ADAMTS17: variants seen among roughly 807,000 people sequenced by gnomAD.
The protein encoded by ADAMTS17 is ADAM metallopeptidase with thrombospondin type 1 motif 17.
A neutral mutation model predicts 141.5 loss-of-function variants in ADAMTS17; 113 were observed. The observed-to-expected ratio is 0.80, with a 90% CI of 0.69 to 0.93. The LOEUF is 0.93. Among genes scored for constraint, ADAMTS17 ranks in the 40% least tolerant of loss-of-function variants. The pLI, the probability that ADAMTS17 is intolerant of heterozygous loss-of-function variation, is 0.00. For missense variants in ADAMTS17, 1,659 were observed against 1,517.9 expected (o/e 1.09, Z -1.54); for synonymous variants, 768 against 630.6 (o/e 1.22, Z -3.27).
chr15:100,215,440 C>A (rs552595421), intron 7 of ADAMTS17, among the ~76,000 whole-genome samples: 1 of 152,302 alleles, frequency 6.6e-6, no homozygotes, highest in South Asian at 2.1e-4. Context: ...TCACTGCTAG[C>A]CTTGATTTCA....
At chr15:100,261,158 C>T (rs1477983110) in intron 6 of ADAMTS17, among the ~76,000 whole-genome samples, 2 of 152,142 alleles carry the variant, frequency 1.3e-5, no homozygotes, top group African/African-American at 4.8e-5. Context: ...TGTGGTCACA[C>T]TGGAGTAAGG....
At chr15:100,148,378 C>T (rs1246867139) in intron 10 of ADAMTS17, among the ~76,000 whole-genome samples, 1 of 144,594 alleles carries the variant, frequency 6.9e-6, no homozygotes, top group African/African-American at 2.6e-5. Context: ...CACCTAGTAT[C>T]ATTTTCTGCA....
intron 10 of ADAMTS17, among the ~76,000 whole-genome samples, chr15:100,141,246 G>T (rs967878965): frequency 1.3e-5 from 2 of 152,172 alleles, no homozygotes; most frequent in African/African-American, 4.8e-5. Context: ...ACGCGGGAAG[G>T]TTTGAGCTGC....
In ADAMTS17 at chr15:100,246,593, G is replaced by A. The variant is rs373423530; in HGVS notation, c.1075+7543C>T. Among the ~76,000 whole-genome samples, 4 of 152,320 alleles carry A rather than the reference G, an allele frequency of 2.6e-5. No individual in the cohort carries two copies. The South Asian group carries it at 6.2e-4, about 24-fold the overall frequency. Reference sequence around the variant, plus strand: ...TCAGAGTAGACACCAACGACATAGTGTGGATAAGCCCAGAACAGGGCCCAA... The same window carrying A: ...TCAGAGTAGACACCAACGACATAGTATGGATAAGCCCAGAACAGGGCCCAA... On this transcript the variant is annotated intron_variant, in intron 7 of 21. Coordinates refer to ENST00000268070, the MANE Select transcript of ADAMTS17 (RefSeq NM_139057.4).
intron 8 of ADAMTS17, among the ~76,000 whole-genome samples, chr15:100,182,946 T>C (rs1231561471): frequency 6.6e-6 from 1 of 152,216 alleles, no homozygotes; most frequent in East Asian, 1.9e-4. Context: ...TCAAATATTT[T>C]TTCCAGTGCC....
At chr15:100,153,126 C>G (rs947022226) in intron 9 of ADAMTS17, among the ~76,000 whole-genome samples, 1 of 152,058 alleles carries the variant, frequency 6.6e-6, no homozygotes, top group Admixed American at 6.5e-5. Context: ...TGAGCAAAAA[C>G]TATCATGAAT....
chr15:100,244,381 G>T (rs1437678311), intron 7 of ADAMTS17, among the ~76,000 whole-genome samples: 3 of 140,726 alleles, frequency 2.1e-5, no homozygotes, highest in Non-Finnish European at 3.1e-5. Context: ...AGCCAATCTT[G>T]TCCACCACTG....
At chr15:100,216,997 T>C (rs137959962) in intron 7 of ADAMTS17, among the ~76,000 whole-genome samples, 8 of 152,290 alleles carry the variant, frequency 5.3e-5, no homozygotes, top group African/African-American at 1.9e-4. Context: ...AATAATAAAA[T>C]TAGTTTCCTG....
chr15:100,332,465 A>G (rs2046084344), intron 2 of ADAMTS17, among the ~76,000 whole-genome samples: 1 of 152,190 alleles, frequency 6.6e-6, no homozygotes, highest in Non-Finnish European at 1.5e-5. Context: ...CCCAGAGGAT[A>G]CGCTTCACTC....
intron 8 of ADAMTS17, among the ~76,000 whole-genome samples, chr15:100,164,940 G>A (rs1414852117): frequency 6.6e-6 from 1 of 152,168 alleles, no homozygotes; most frequent in African/African-American, 2.4e-5. Context: ...TATACCATGT[G>A]TTGCTCTCCA....
At chr15:100,114,158 CTTTTTT>C (rs10712411) in intron 13 of ADAMTS17, among the ~76,000 whole-genome samples, 1 of 142,656 alleles carries the variant, frequency 7.0e-6, no homozygotes, top group East Asian at 2.0e-4. Flanking sequence ...ATTCTTTCTT[CTTTTTT>C]TTTTTTTTTT....
intron 7 of ADAMTS17, among the ~76,000 whole-genome samples, chr15:100,230,222 G>A (rs1452061307): frequency 5.3e-5 from 8 of 152,302 alleles, no homozygotes; most frequent in Non-Finnish European, 1.0e-4. Flanking sequence ...AATGACACCC[G>A]CGGTGCACGA....
rs1239595657 is a variant in ADAMTS17, at chr15:100,098,594, C to T, written c.2017-2118G>A. ...AGGAGAGTAGCTTGAACCTGGGAGG[C>T]GGAGGTTGCAGTGAGCTGAGATTGC... On this transcript the variant is annotated intron_variant, in intron 14 of 21. Coordinates refer to ENST00000268070, the MANE Select transcript of ADAMTS17 (RefSeq NM_139057.4). 6.6e-5 allele frequency among the ~76,000 whole-genome samples: 10 copies of T among 150,876 alleles called. No individual in the cohort carries two copies. The South Asian group carries it at 1.5e-3, about 22-fold the overall frequency.
intron 10 of ADAMTS17, among the ~76,000 whole-genome samples, chr15:100,137,048 G>A (rs1211282152): frequency 2.0e-5 from 3 of 152,174 alleles, no homozygotes; most frequent in Admixed American, 2.0e-4. Flanking sequence ...CAAGTACTTA[G>A]GCAATGGAAA....
At chr15:100,057,609 C>T (rs1490196227) in intron 15 of ADAMTS17, among the ~76,000 whole-genome samples, 3 of 152,178 alleles carry the variant, frequency 2.0e-5, no homozygotes, top group Admixed American at 1.3e-4. Flanking sequence ...TCCCTTTAAG[C>T]AATGGTACCC....
chr15:100,002,188 C>G (rs1255145257), intron 18 of ADAMTS17, among the ~76,000 whole-genome samples: 1 of 151,980 alleles, frequency 6.6e-6, no homozygotes, highest in Non-Finnish European at 1.5e-5. Context: ...CACAAGATCT[C>G]CTTTGTCCTG....
At chr15:100,209,073 T>C (rs1031121246) in intron 7 of ADAMTS17, among the ~76,000 whole-genome samples, 1 of 98,236 alleles carries the variant, frequency 1.0e-5, no homozygotes, top group Non-Finnish European at 1.9e-5. Flanking sequence ...AAAGGATGAA[T>C]ACAATGCAAG....
At chr15:100,049,212 T>C (rs538472345) in intron 17 of ADAMTS17, among the ~76,000 whole-genome samples, 7 of 152,318 alleles carry the variant, frequency 4.6e-5, no homozygotes, top group Non-Finnish European at 8.8e-5. Context: ...TGGAAGATTC[T>C]AGAACAAGAT....
intron 15 of ADAMTS17, among the ~76,000 whole-genome samples, chr15:100,068,642 G>C (rs1360976309): frequency 6.6e-6 from 1 of 152,156 alleles, no homozygotes; most frequent in Non-Finnish European, 1.5e-5. Context: ...AGGCCAACAG[G>C]GTCTGGAGTG....
Sources: allele counts gnomAD v4.1 joint callset (sites outside exome capture counted in the v4.1 genomes callset), GRCh38; gene constraint gnomAD v4.1.1; transcripts MANE v1.5; gene names NCBI Gene and HGNC (gene_info 2026-07-23, HGNC 2026-07-21).